The following ESR1 variants were observed in gnomAD, a reference collection of about 807,000 sequenced individuals.
ESR1 encodes the protein estrogen receptor.
A neutral mutation model predicts 52.7 loss-of-function variants in ESR1; 12 were observed. The observed-to-expected ratio is 0.23, with a 90% CI of 0.15 to 0.37. The LOEUF is 0.37. ESR1 is among the 10% of genes least tolerant of loss of function. ESR1 has a pLI of 1.00. For synonymous variants in ESR1, 305 were observed against 316.8 expected, an observed-to-expected ratio of 0.96 and a Z score of 0.39; for missense variants, 584 against 779.7, an observed-to-expected ratio of 0.75 and a Z score of 2.99.
intron 4 of ESR1, chr6:151,984,284 A>G (rs2040247430): frequency 6.6e-6 from 1 of 151,836 alleles, no homozygotes; most frequent in Non-Finnish European, 1.5e-5. Context: ...TTCCCCATCA[A>G]TCTTAATTTT....
At chr6:151,995,760 AT>A (rs2041425222) in intron 4 of ESR1, among the ~76,000 whole-genome samples, 1 of 152,192 alleles carries the variant, frequency 6.6e-6, no homozygotes, top group Non-Finnish European at 1.5e-5. Flanking sequence ...ATCACCTTGA[AT>A]CACAATGAGT....
At chr6:151,724,690 T>C (rs1781712490) in intron 2 of ESR1, among the ~76,000 whole-genome samples, 1 of 152,186 alleles carries the variant, frequency 6.6e-6, no homozygotes, top group South Asian at 2.1e-4. Context: ...AAGGAATGGT[T>C]GCATGTGCTC....
chr6:151,911,705 A>G (rs191860869), intron 3 of ESR1, among the ~76,000 whole-genome samples: 53 of 152,336 alleles, frequency 3.5e-4, no homozygotes, highest in African/African-American at 1.3e-3. Flanking sequence ...TAGTTTCTTT[A>G]TAGTTCTGAT....
At chr6:151,792,199 TA>T (rs1776229789) in intron 2 of ESR1, among the ~76,000 whole-genome samples, 5 of 152,152 alleles carry the variant, frequency 3.3e-5, no homozygotes, top group Admixed American at 6.5e-5. Flanking sequence ...GTATAAGAGA[TA>T]AAAAATGGTC....
At chr6:152,039,902 A>G (rs1461464064) in intron 5 of ESR1, among the ~76,000 whole-genome samples, 1 of 152,180 alleles carries the variant, frequency 6.6e-6, no homozygotes, top group African/African-American at 2.4e-5. Flanking sequence ...TTTAGCCATA[A>G]AGTGAGTGCC....
chr6:151,777,186 C>T (rs751116130), intron 2 of ESR1, among the ~76,000 whole-genome samples: 22 of 145,388 alleles, frequency 1.5e-4, no homozygotes, highest in Non-Finnish European at 3.0e-4. Context: ...AGTGTGATCT[C>T]GGCTCACTGC....
chr6:151,916,657 C>A (rs1584206530), intron 3 of ESR1, among the ~76,000 whole-genome samples: 1 of 152,226 alleles, frequency 6.6e-6, no homozygotes, highest in East Asian at 1.9e-4. Context: ...TTAATTTTAT[C>A]ATCCTCTAAT....
intron 2 of ESR1, among the ~76,000 whole-genome samples, chr6:151,777,978 T>G (rs1332554655): frequency 6.6e-6 from 1 of 151,572 alleles, no homozygotes; most frequent in Non-Finnish European, 1.5e-5. Context: ...AATAAATAAA[T>G]AAATAAAAAT....
chr6:152,060,918 T>A, intron 5 of ESR1, 73 bp from the exon 6 acceptor site: 1 of 1,289,144 alleles, frequency 7.8e-7, no homozygotes, highest in Non-Finnish European at 1.1e-6. Context: ...TGTGAACCCT[T>A]TCATGTCTTG....
intron 2 of ESR1, among the ~76,000 whole-genome samples, chr6:151,754,699 G>A (rs1251306599): frequency 6.6e-6 from 1 of 152,070 alleles, no homozygotes; most frequent in African/African-American, 2.4e-5. Flanking sequence ...CACTTTCTCA[G>A]TCTCCTCTGC....
At chr6:151,799,058 C>T (rs1249778103) in intron 2 of ESR1, among the ~76,000 whole-genome samples, 1 of 152,166 alleles carries the variant, frequency 6.6e-6, no homozygotes, top group African/African-American at 2.4e-5. Flanking sequence ...ATTTTTGAGA[C>T]TCTAAGAATA....
chr6:152,108,378 T>C (rs964772728), intron 6 of ESR1, among the ~76,000 whole-genome samples: 1 of 152,274 alleles, frequency 6.6e-6, no homozygotes, highest in African/African-American at 2.4e-5. Flanking sequence ...ACTGTACTTA[T>C]ACAAATTTCA....
chr6:152,116,772 C>T (rs2051215673), intron 6 of ESR1, among the ~76,000 whole-genome samples: 1 of 151,190 alleles, frequency 6.6e-6, no homozygotes, highest in African/African-American at 2.4e-5. Flanking sequence ...TTATATTATA[C>T]AAATATATAC....
chr6:151,960,290 A>T (rs2037504394), intron 4 of ESR1, among the ~76,000 whole-genome samples: 1 of 152,228 alleles, frequency 6.6e-6, no homozygotes, highest in African/African-American at 2.4e-5. Context: ...GGAGACAGAA[A>T]GAAAGCAAAC....
At chr6:152,111,687 C>T (rs146248800) in intron 6 of ESR1, among the ~76,000 whole-genome samples, 2 of 152,250 alleles carry the variant, frequency 1.3e-5, no homozygotes, top group East Asian at 3.9e-4. Context: ...AGACCACAGG[C>T]TGGAAGGGAG....
At chr6:152,074,695 C>T (rs1379327623) in intron 6 of ESR1, among the ~76,000 whole-genome samples, 2 of 152,194 alleles carry the variant, frequency 1.3e-5, no homozygotes, top group African/African-American at 4.8e-5. Flanking sequence ...GTACCATTTT[C>T]CATTTCCACC....
chr6:151,808,202 T>C lies in ESR1; in HGVS notation c.290T>C (p.Phe97Ser), dbSNP rs1356923842. ...TTCGGCTCCAACGGCCTGGGGGGTT[T>C]CCCCCCACTCAACAGCGTGTCTCCG... ...AAFGSNGLGG[F>S]PPLNSVSPSP... The change falls in exon 1 of 8, where the codon TTC (phenylalanine) becomes TCC (serine). Residue 97 changes from phenylalanine to serine, a missense_variant. By Grantham distance (155) the Phe-to-Ser change is radical. Around this residue, in one of 6 missense-constraint regions of ESR1, gnomAD observed 251 missense variants for 246.1 expected, o/e 1.02. Transcript: ENST00000206249. The C allele has an allele frequency of 8.9e-6, 14 of 1,571,382 alleles. No homozygotes were observed. Among genetic ancestry groups the C allele is most frequent in the Non-Finnish European group, 1.2e-5 (14 of 1,158,762 alleles).
chr6:151,988,057 C>T (rs963152672), intron 4 of ESR1, among the ~76,000 whole-genome samples: 1 of 152,078 alleles, frequency 6.6e-6, no homozygotes, highest in Admixed American at 6.6e-5. Flanking sequence ...TTGTGGAAGA[C>T]AGTTTTTCCA....
Position 151,773,802 on chromosome 6 carries a change from C to A in ESR1, c.-70-34041C>A, listed in dbSNP as rs1037232920. Among the ~76,000 whole-genome samples the A allele has an allele frequency of 7.9e-5, 12 of 152,326 alleles. No individual in the cohort carries two copies. The East Asian group carries it at 2.3e-3, about 29-fold the overall frequency. Reference sequence around the variant, plus strand: ...TAATCACCTTGAAAGAATAATCTCTCATCTCCTCTGGTGGCAAAGGATTGG... The same window carrying A: ...TAATCACCTTGAAAGAATAATCTCTAATCTCCTCTGGTGGCAAAGGATTGG... On this transcript the variant is annotated intron_variant, in intron 2 of 2. Transcript: ENST00000404742.
Sources: gnomAD v4.1 joint callset for allele counts (sites outside exome capture counted in the v4.1 genomes callset) on GRCh38, gnomAD v4.1.1 for gene constraint, gnomAD v4.1.1 regional missense constraint, MANE v1.5 for transcripts, NCBI Gene and HGNC (gene_info 2026-07-23, HGNC 2026-07-21) for gene names.